SMAP1: variants seen among roughly 807,000 people sequenced by gnomAD.
SMAP1 encodes the protein stromal membrane-associated protein 1.
A neutral mutation model predicts 58.5 loss-of-function variants in SMAP1; 24 were observed. The observed-to-expected ratio is 0.41, with a 90% CI of 0.30 to 0.58. The LOEUF is 0.58. Ranked by LOEUF, SMAP1 falls within the 20% of genes least tolerant of loss-of-function variation. SMAP1 has a pLI of 0.29. For missense variants in SMAP1, 563 were observed against 566.3 expected (o/e 0.99, Z 0.06); for synonymous variants, 216 against 196.6 (o/e 1.10, Z -0.82).
intron 5 of SMAP1, among the ~76,000 whole-genome samples, chr6:70,792,024 G>A (rs1371433510): frequency 6.6e-6 from 1 of 152,036 alleles, no homozygotes; most frequent in Non-Finnish European, 1.5e-5. Flanking sequence ...TTAGTTTTTT[G>A]TTGTTGCGCC....
chr6:70,786,918 C>A (rs559715532), intron 4 of SMAP1, among the ~76,000 whole-genome samples: 173 of 152,226 alleles, frequency 1.1e-3, no homozygotes, highest in African/African-American at 3.2e-3. Context: ...CAAGCTACCA[C>A]TGACTTTCTT....
chr6:70,697,389 T>G (rs1343239249), intron 1 of SMAP1, among the ~76,000 whole-genome samples: 1 of 151,446 alleles, frequency 6.6e-6, no homozygotes, highest in Non-Finnish European at 1.5e-5. Flanking sequence ...CACTGCAACC[T>G]CCGCCTCCTA....
At position 70,748,390 on chromosome 6, in the gene SMAP1, A is replaced by T. The variant is rs1219321789; in HGVS notation, c.253-6590A>T. Among the ~76,000 whole-genome samples, 3 of 152,102 alleles carry T rather than the reference A, an allele frequency of 2.0e-5. No individual in the cohort carries two copies. The East Asian group carries it at 5.8e-4, about 29-fold the overall frequency. On this transcript the variant is annotated intron_variant, in intron 2 of 10. Coordinates refer to ENST00000370455, the MANE Select transcript of SMAP1 (RefSeq NM_001044305.3). ...AAGTAGTTTCCCCCCTCCCACACAA[A>T]TACATTAAAAATTTAAGAAAGTTTT...
intron 3 of SMAP1, chr6:70,759,842 T>C: frequency 2.2e-6 from 1 of 447,752 alleles, no homozygotes; most frequent in South Asian, 1.6e-5. Flanking sequence ...GATATAATAC[T>C]GGAAACAACA....
chr6:70,754,959 A>G (rs757190301), intron 2 of SMAP1, 21 bp from the exon 3 acceptor site: 1 of 1,557,224 alleles, frequency 6.4e-7, no homozygotes, highest in Admixed American at 1.8e-5. Flanking sequence ...GTGAGTAATT[A>G]AAAAATTTTT....
intron 2 of SMAP1, 74 bp from the exon 3 acceptor site, chr6:70,754,896 GTGTATATGTA>G: frequency 1.5e-6 from 1 of 673,786 alleles, no homozygotes; most frequent in Non-Finnish European, 2.6e-6. Flanking sequence ...TTTGGTATTT[GTGTATATGTA>G]TGTATGTGTA....
At chr6:70,849,146 C>T (rs919417844) in intron 7 of SMAP1, among the ~76,000 whole-genome samples, 1 of 152,040 alleles carries the variant, frequency 6.6e-6, no homozygotes, top group African/African-American at 2.4e-5. Flanking sequence ...CTTGGTGAGG[C>T]CTGGCAGAAA....
chr6:70,854,482 C>T lies in SMAP1; in HGVS notation c.789+1818C>T, dbSNP rs755987164. Among the ~76,000 whole-genome samples the T allele has an allele frequency of 7.2e-5, 11 of 152,072 alleles. No homozygotes were observed. The East Asian group carries it at 7.7e-4, about 11-fold the overall frequency. Reference sequence around the variant, plus strand: ...CCTTAAAATACAAAAATTAGCTGGGCGTGGTGGCGTGCGCCTGTAATCCCA... The same window carrying T: ...CCTTAAAATACAAAAATTAGCTGGGTGTGGTGGCGTGCGCCTGTAATCCCA... On this transcript the variant is annotated intron_variant, in intron 8 of 10. Coordinates refer to ENST00000370455, the MANE Select transcript of SMAP1 (RefSeq NM_001044305.3).
intron 6 of SMAP1, among the ~76,000 whole-genome samples, chr6:70,822,871 G>A (rs1233355431): frequency 1.3e-5 from 2 of 151,444 alleles, no homozygotes; most frequent in Non-Finnish European, 2.9e-5. Context: ...TGTTTTGGAA[G>A]TTTGTATTGA....
intron 8 of SMAP1, among the ~76,000 whole-genome samples, chr6:70,853,007 A>G (rs1771246712): frequency 6.6e-6 from 1 of 152,214 alleles, no homozygotes; most frequent in Non-Finnish European, 1.5e-5. Flanking sequence ...AGTATTTAGA[A>G]TGAACAAGTG....
rs781502098 is a variant in SMAP1, at chr6:70,755,053, C to T, written c.326C>T (p.Pro109Leu). ...AATCTTCCAGAGAACTTTCGAAGAC[C>T]ACAGACAGATCAGTATCCTTTAAAA... ...EANLPENFRR[P>L]QTDQAVEFFI... Residue 109 changes from proline (P) to leucine (L), a missense_variant, in exon 3 of 11, where the codon CCA (proline) becomes CTA (leucine). Physicochemically the swap from Pro to Leu is moderately conservative, Grantham distance 98. Coordinates refer to ENST00000370455, the MANE Select transcript of SMAP1 (RefSeq NM_001044305.3). 4.4e-6 allele frequency: 7 copies of T among 1,608,374 alleles called. No individual in the cohort carries two copies. The highest frequency in any genetic ancestry group is 6.0e-6 in the Non-Finnish European group (7 of 1,175,988).
intron 1 of SMAP1, among the ~76,000 whole-genome samples, 193 bp from the exon 2 acceptor site, chr6:70,732,185 T>A (rs1220767520): frequency 2.6e-5 from 4 of 152,150 alleles, no homozygotes; most frequent in Non-Finnish European, 5.9e-5. Flanking sequence ...GTAAAATCAA[T>A]AAGGTTCTTA....
chr6:70,760,612 C>G (rs1244439706), intron 3 of SMAP1, among the ~76,000 whole-genome samples: 1 of 152,014 alleles, frequency 6.6e-6, no homozygotes, highest in East Asian at 1.9e-4. Flanking sequence ...GCCTTTCTCT[C>G]TCCCTCCCTC....
chr6:70,755,354 T>C (rs1009864623), intron 3 of SMAP1, among the ~76,000 whole-genome samples: 3 of 152,056 alleles, frequency 2.0e-5, no homozygotes, highest in Non-Finnish European at 4.4e-5. Flanking sequence ...TTCCACTTCA[T>C]GATGGTGAGA....
chr6:70,714,062 T>C (rs1349537825), intron 1 of SMAP1, among the ~76,000 whole-genome samples: 1 of 152,202 alleles, frequency 6.6e-6, no homozygotes, highest in Non-Finnish European at 1.5e-5. Context: ...GCCACTCTTT[T>C]GGGTACCATT....
intron 6 of SMAP1, among the ~76,000 whole-genome samples, chr6:70,803,707 T>C (rs1768974733): frequency 6.6e-6 from 1 of 152,232 alleles, no homozygotes; most frequent in African/African-American, 2.4e-5. Flanking sequence ...TTTGTTCTCA[T>C]TGGTTTCAAA....
chr6:70,705,108 G>T (rs908332415), intron 1 of SMAP1, among the ~76,000 whole-genome samples: 1 of 152,134 alleles, frequency 6.6e-6, no homozygotes, highest in African/African-American at 2.4e-5. Context: ...GTGAGTCAAT[G>T]AATGAGTGAA....
intron 1 of SMAP1, among the ~76,000 whole-genome samples, chr6:70,698,611 T>C (rs951718656): frequency 3.9e-5 from 6 of 152,202 alleles, no homozygotes; most frequent in African/African-American, 1.4e-4. Flanking sequence ...TCTGACTGTA[T>C]TTTGAAATAG....
intron 6 of SMAP1, among the ~76,000 whole-genome samples, chr6:70,820,827 G>T (rs750798081): frequency 3.3e-5 from 5 of 152,110 alleles, no homozygotes; most frequent in Non-Finnish European, 5.9e-5. Flanking sequence ...TTTGCAGAGT[G>T]TGTTGATTTG....
Sources: allele counts gnomAD v4.1 joint callset (sites outside exome capture counted in the v4.1 genomes callset), GRCh38; gene constraint gnomAD v4.1.1; transcripts MANE v1.5; gene names NCBI Gene and HGNC (gene_info 2026-07-23, HGNC 2026-07-21).